QSOX2: variants seen among roughly 807,000 people sequenced by gnomAD.
QSOX2 encodes the protein sulfhydryl oxidase 2.
A neutral mutation model predicts 61.7 loss-of-function variants in QSOX2; 46 were observed. That is an observed-to-expected ratio of 0.75 (90% CI 0.59 to 0.95). The LOEUF (loss-of-function observed/expected upper bound fraction) is 0.95. Among genes scored for constraint, QSOX2 ranks in the 40% least tolerant of loss-of-function variants. The probability of loss-of-function intolerance (pLI) is 0.00; values close to 1 mark genes in which losing one functional copy is unlikely to be tolerated. For synonymous variants in QSOX2, 383 were observed against 388.4 expected (o/e 0.99, Z 0.16); for missense variants, 879 against 918.9 (o/e 0.96, Z 0.56).
At position 136,224,094 on chromosome 9, in the gene QSOX2, C is replaced by A; in HGVS notation, c.497G>T (p.Arg166Leu). 6.2e-7 allele frequency: 1 copy of A among 1,613,886 alleles called. No individual in the cohort carries two copies. ...ENFKGPDRELRTVRQTMIDFL... is the reference protein window; with the variant it reads ...ENFKGPDRELLTVRQTMIDFL... ...GTCAATCATCGTCTGTCTGACTGTT[C>A]GCAGCTCTCGGTCAGGTCCTGCCGG... The change falls in exon 4 of 12, where the codon CGA becomes CTA. Residue 166 changes from arginine (R) to leucine (L), a missense_variant. Coordinates refer to ENST00000358701, the MANE Select transcript of QSOX2 (RefSeq NM_181701.4).
At chr9:136,227,236 C>G (rs1172784900) in intron 1 of QSOX2, among the ~76,000 whole-genome samples, 1 of 152,210 alleles carries the variant, frequency 6.6e-6, no homozygotes, top group Non-Finnish European at 1.5e-5. Flanking sequence ...GGACAGCAAG[C>G]AAGTACGTGC....
At chr9:136,242,391 C>A (rs564181008) in intron 1 of QSOX2, among the ~76,000 whole-genome samples, 3 of 152,356 alleles carry the variant, frequency 2.0e-5, no homozygotes, top group Admixed American at 2.0e-4. Flanking sequence ...CGGGCGCTGG[C>A]CAGGGGGACC....
In QSOX2 at chr9:136,219,140, A is replaced by C; in HGVS notation, c.846T>G (p.Phe282Leu). The change falls in exon 7 of 12, where the codon TTT becomes TTG. Residue 282 changes from phenylalanine to leucine, a missense_variant. By Grantham distance (22) the Phe-to-Leu change is conservative. Coordinates refer to ENST00000358701, the MANE Select transcript of QSOX2 (RefSeq NM_181701.4). ...CCGGCAATGACTTCAAATAAGACGA[A>C]AAGAAGGCCCGCAGAGGCTTCACGC... ...INVVKPLRAF[F>L]SSYLKSLPDV... 1 of 1,613,958 alleles carries C rather than the reference A, an allele frequency of 6.2e-7. No homozygotes were observed. Among genetic ancestry groups the C allele is most frequent in the East Asian group, 2.2e-5 (1 of 44,872 alleles).
At chr9:136,237,499 A>G (rs1160554137) in intron 1 of QSOX2, among the ~76,000 whole-genome samples, 1 of 105,036 alleles carries the variant, frequency 9.5e-6, no homozygotes, top group Non-Finnish European at 2.0e-5. Flanking sequence ...TGCCGGCGAC[A>G]CCTGGAGCCC....
intron 10 of QSOX2, among the ~76,000 whole-genome samples, chr9:136,214,332 C>CTA (rs1037455330): frequency 2.0e-5 from 3 of 152,368 alleles, no homozygotes; most frequent in Admixed American, 2.0e-4. Context: ...ATCACACCAC[C>CTA]TATACTCACG....
intron 10 of QSOX2, among the ~76,000 whole-genome samples, chr9:136,211,667 G>A (rs1207369313): frequency 6.6e-6 from 1 of 152,220 alleles, no homozygotes; most frequent in African/African-American, 2.4e-5. Context: ...GAGACACAAT[G>A]ACTGTGGACA....
Position 136,226,765 on chromosome 9 carries a change from G to C in QSOX2, c.429+9C>G. ...AATTTCAACGGACAAGCAGCCGCGT[G>C]ATACTCACCCGGAAGGTGGGGTAGA... On this transcript the variant is annotated intron_variant, in intron 2 of 11. Coordinates refer to ENST00000358701, the MANE Select transcript of QSOX2 (RefSeq NM_181701.4). The C allele has an allele frequency of 1.9e-6, 3 of 1,609,054 alleles. No homozygotes were observed. The highest frequency in any genetic ancestry group is 2.6e-6 in the Non-Finnish European group (3 of 1,175,300).
chr9:136,216,781 G>C, intron 8 of QSOX2, 59 bp from the exon 9 acceptor site: 4 of 1,597,444 alleles, frequency 2.5e-6, no homozygotes, highest in Non-Finnish European at 3.4e-6. Context: ...CGCCCCCACC[G>C]CGGGGGGCAC....
chr9:136,207,357 T>G lies in QSOX2; in HGVS notation c.*1371A>C. The G allele has an allele frequency of 8.8e-6, 1 of 114,228 alleles. No individual in the cohort carries two copies. The highest frequency in any genetic ancestry group is 3.5e-5 in the African/African-American group (1 of 28,436). The allele number at this position is 114,228 out of a possible 1,614,324, so 7.1% of individuals were successfully genotyped here. ...ATCTACAACCGTCAAAGTCTCTCTC[T>G]CTCTCATACACACACACACACACAC... On this transcript the variant is annotated 3_prime_UTR_variant, in exon 12 of 12. Coordinates refer to ENST00000358701, the MANE Select transcript of QSOX2 (RefSeq NM_181701.4).
At chr9:136,238,661 T>A (rs1393119943) in intron 1 of QSOX2, among the ~76,000 whole-genome samples, 1 of 152,230 alleles carries the variant, frequency 6.6e-6, no homozygotes, top group Non-Finnish European at 1.5e-5. Context: ...CCCACTGTGC[T>A]CCGCTGGTTT....
chr9:136,223,368 T>C lies in QSOX2; in HGVS notation c.675+395A>G, dbSNP rs890430294. On this transcript the variant is annotated intron_variant, in intron 5 of 11. Transcript: ENST00000358701. The surrounding 1 kb of genome is among the most constrained non-coding windows in gnomAD (Gnocchi z 4.4). ...ACGATAGAAACGACGTTTTACAGAA[T>C]CTTGGATTTGGCAAAAATGTTGAGA... Among the ~76,000 whole-genome samples the C allele has an allele frequency of 2.0e-5, 3 of 152,146 alleles. No homozygotes were observed. Among genetic ancestry groups the C allele is most frequent in the African/African-American group, 7.2e-5 (3 of 41,416 alleles).
At position 136,224,044 on chromosome 9, in the gene QSOX2, T is replaced by G. The variant is rs747949401; in HGVS notation, c.547A>C (p.Ser183Arg). The change falls in exon 4 of 12, where the codon AGC becomes CGC. Residue 183 changes from serine (S) to arginine (R), a missense_variant. Physicochemically the swap from Ser to Arg is moderately radical, Grantham distance 110. Coordinates refer to ENST00000358701, the MANE Select transcript of QSOX2 (RefSeq NM_181701.4). Reference sequence around the variant, plus strand: ...AGGCGCGGGCAGGCAGGGGGCCGGCTTCCTTCCGTGTGGTTCTGCAGGAAG... The same window carrying G: ...AGGCGCGGGCAGGCAGGGGGCCGGCGTCCTTCCGTGTGGTTCTGCAGGAAG... ...IDFLQNHTEG[S>R]RPPACPRLDP... The G allele has an allele frequency of 6.2e-7, 1 of 1,614,018 alleles. No individual in the cohort carries two copies. The highest frequency in any genetic ancestry group is 8.5e-7 in the Non-Finnish European group (1 of 1,179,994).
At chr9:136,228,576 G>A (rs1830303417) in intron 1 of QSOX2, among the ~76,000 whole-genome samples, 1 of 152,196 alleles carries the variant, frequency 6.6e-6, no homozygotes, top group East Asian at 1.9e-4. Flanking sequence ...TCAAGGGATG[G>A]GTGCTGGCTA....
chr9:136,224,148 C>A (rs767823926), intron 3 of QSOX2, 36 bp from the exon 4 acceptor site: 1 of 1,542,008 alleles, frequency 6.5e-7, no homozygotes. Flanking sequence ...GCTGTGTGTG[C>A]GGCTGTCCTC....
In QSOX2 at chr9:136,224,594, T is replaced by C. The variant is rs535207681; in HGVS notation, c.478+267A>G. 5.5e-4 allele frequency among the ~76,000 whole-genome samples: 84 copies of C among 152,372 alleles called. 1 individual carries two copies. Among genetic ancestry groups the C allele is most frequent in the African/African-American group, 1.9e-3 (78 of 41,592 alleles). On this transcript the variant is annotated intron_variant, in intron 3 of 11. Transcript: ENST00000358701. ...ATTCATCGGGTGGGTACATGTGATC[T>C]GTGCACATCTCCAAATATTTTTACA...
At chr9:136,234,215 G>T (rs111538933) in intron 1 of QSOX2, among the ~76,000 whole-genome samples, 2 of 152,230 alleles carry the variant, frequency 1.3e-5, no homozygotes, top group Non-Finnish European at 2.9e-5. Flanking sequence ...TTCCTTTACT[G>T]TAAGAACACA....
chr9:136,220,613 G>A (rs1176062469), intron 6 of QSOX2, among the ~76,000 whole-genome samples: 9 of 49,334 alleles, frequency 1.8e-4, no homozygotes, highest in Admixed American at 1.7e-3. Flanking sequence ...CTAGCCTCAC[G>A]CTGTCCTTCT....
intron 3 of QSOX2, 142 bp downstream of exon 3, chr9:136,224,719 C>G: frequency 1.9e-6 from 1 of 533,316 alleles, no homozygotes. Context: ...TATCTGAACT[C>G]TTAAGGGAAA....
At position 136,210,131 on chromosome 9, in the gene QSOX2, G is replaced by T. The variant is rs1269108552; in HGVS notation, c.1550-856C>A. On this transcript the variant is annotated intron_variant, in intron 11 of 11. Transcript: ENST00000358701. Reference sequence around the variant, plus strand: ...ACCGGCAGCAGGTGCTGCACACGAAGCCAGAGGGGACAAGCACAGACCAGT... The same window carrying T: ...ACCGGCAGCAGGTGCTGCACACGAATCCAGAGGGGACAAGCACAGACCAGT... 11 of 985,362 alleles carry T rather than the reference G, an allele frequency of 1.1e-5. 1 individual carries two copies. The highest frequency in any genetic ancestry group is 1.3e-5 in the Non-Finnish European group (11 of 829,954). The allele number at this position is 985,362 out of a possible 1,614,324, so 61.0% of individuals were successfully genotyped here.
Sources: gnomAD v4.1 joint callset for allele counts (sites outside exome capture counted in the v4.1 genomes callset) on GRCh38, gnomAD v4.1.1 for gene constraint, Gnocchi (gnomAD v3.1) non-coding constraint, MANE v1.5 for transcripts, NCBI Gene and HGNC (gene_info 2026-07-23, HGNC 2026-07-21) for gene names.